Variants in ACSM2B observed in about 807,000 individuals in gnomAD.
ACSM2B encodes the protein acyl-CoA synthetase medium chain family member 2B, also known as acyl-coenzyme A synthetase ACSM2B, mitochondrial.
Under a neutral mutation model 78.6 loss-of-function variants are expected in ACSM2B, and 58 were observed. The observed-to-expected ratio is 0.74, with a 90% CI of 0.60 to 0.92. ACSM2B has a LOEUF of 0.92. ACSM2B is among the 40% of genes least tolerant of loss of function. ACSM2B has a pLI of 0.00. For missense variants in ACSM2B, 688 were observed against 711.2 expected, an observed-to-expected ratio of 0.97 and a Z score of 0.37; for synonymous variants, 257 against 256.8, an observed-to-expected ratio of 1.00 and a Z score of -0.01.
chr16:20,540,242 T>C (rs2014949712), intron 13 of ACSM2B, among the ~76,000 whole-genome samples: 1 of 137,178 alleles, frequency 7.3e-6, no homozygotes, highest in African/African-American at 2.5e-5. Flanking sequence ...TTTTTGTTTG[T>C]TTGTTTGGTT....
At chr16:20,551,409 T>A (rs5012619) in intron 6 of ACSM2B, among the ~76,000 whole-genome samples, 49,483 of 151,744 alleles carry the variant, frequency 0.33, 9,524 homozygotes, top group East Asian at 0.86. Context: ...AGTGATAGCA[T>A]GAGTGTCTTT....
At chr16:20,571,928 T>C (rs1340484108) in intron 1 of ACSM2B, among the ~76,000 whole-genome samples, 1 of 151,804 alleles carries the variant, frequency 6.6e-6, no homozygotes, top group Non-Finnish European at 1.5e-5. Flanking sequence ...ATGGAATGTC[T>C]TTTTCCACCC....
Position 20,565,954 on chromosome 16 carries a change from G to A in ACSM2B, c.-8-1101C>T, listed in dbSNP as rs374269340. Among the ~76,000 whole-genome samples the A allele has an allele frequency of 1.2e-3, 175 of 151,394 alleles. 5 individuals are homozygous for A. The South Asian group carries it at 0.035, about 31-fold the overall frequency. ...ATTCCTGAATTACTTCACTTTGAGC[G>A]ATGGTCTCCAATCCCATCCAGGTTG... On this transcript the variant is annotated intron_variant, in intron 1 of 13. Transcript: ENST00000329697.
chr16:20,555,486 C>T lies in ACSM2B; in HGVS notation c.389-10G>A, dbSNP rs372297379. ...GGCATAAAGATGAGACCTAAAGAAG[C>T]CAACAATTTAGAGAATTGGAAAGGA... On this transcript the variant is annotated splice_polypyrimidine_tract_variant and intron_variant, in intron 3 of 13. Coordinates refer to ENST00000329697, the MANE Select transcript of ACSM2B (RefSeq NM_001105069.2). 1 of 1,610,980 alleles carries T rather than the reference C, an allele frequency of 6.2e-7. No homozygotes were observed. Among genetic ancestry groups the T allele is most frequent in the Admixed American group, 1.7e-5 (1 of 59,790 alleles).
intron 13 of ACSM2B, among the ~76,000 whole-genome samples, chr16:20,538,700 A>T (rs781005357): frequency 6.6e-6 from 1 of 152,076 alleles, no homozygotes; most frequent in Admixed American, 6.6e-5. Context: ...GGACTCCTTG[A>T]CTCAGCATTC....
Position 20,537,146 on chromosome 16 carries a change from T to G in ACSM2B, c.*112A>C. On this transcript the variant is annotated 3_prime_UTR_variant, in exon 14 of 14. Coordinates refer to ENST00000329697, the MANE Select transcript of ACSM2B (RefSeq NM_001105069.2). ...CTAATAACCAGGGCAAGACAAAACT[T>G]ACATTCATGTTCTTTCATAAAGAAT... The G allele has an allele frequency of 7.6e-7, 1 of 1,323,632 alleles. No homozygotes were observed. Among genetic ancestry groups the G allele is most frequent in the South Asian group, 1.4e-5 (1 of 73,970 alleles). 82.0% of individuals were successfully genotyped at this position (1,323,632 alleles called of 1,614,324 possible).
chr16:20,546,276 A>G (rs1375607979), intron 9 of ACSM2B, 118 bp downstream of exon 9: 5 of 1,426,942 alleles, frequency 3.5e-6, no homozygotes, highest in East Asian at 2.5e-5. Flanking sequence ...CTTTTTTCTG[A>G]TATTATCTTA....
At chr16:20,558,902 A>C (rs146681929) in intron 3 of ACSM2B, among the ~76,000 whole-genome samples, 39 of 152,346 alleles carry the variant, frequency 2.6e-4, no homozygotes, top group African/African-American at 9.4e-4. Context: ...ACAGTCTACC[A>C]AATTTATTTG....
rs2015903194 is a variant in ACSM2B, at chr16:20,566,767, AGATATATAGATACAAT to A, written c.-8-1930_-8-1915del. On this transcript the variant is annotated intron_variant, in intron 1 of 13. Coordinates refer to ENST00000329697, the MANE Select transcript of ACSM2B (RefSeq NM_001105069.2). ...TATATATACTATATATAGTATATATAGATATATAGATACAATATTTTGAAATATATAATATATAATT... is the reference window on the plus strand; with the variant it reads ...TATATATACTATATATAGTATATATAATTTTGAAATATATAATATATAATT... Among the ~76,000 whole-genome samples the A allele has an allele frequency of 1.3e-4, 6 of 47,172 alleles. 1 individual carries two copies. In the South Asian group the frequency reaches 2.5e-3, roughly 20 times the overall value. 30.9% of individuals were successfully genotyped at this position (47,172 alleles called of 152,430 possible).
Position 20,552,238 on chromosome 16 carries a change from A to G in ACSM2B, c.800T>C (p.Leu267Pro). The G allele has an allele frequency of 1.2e-6, 2 of 1,613,944 alleles. No individual in the cohort carries two copies. Among genetic ancestry groups the G allele is most frequent in the Non-Finnish European group, 8.5e-7 (1 of 1,179,832 alleles). Residue 267 changes from leucine to proline, a missense_variant, in exon 6 of 14, where the codon CTG (leucine) becomes CCG (proline). Physicochemically the swap from Leu to Pro is moderately conservative, Grantham distance 98. Transcript: ENST00000329697. ...TTCCAAAAGTGAGCCCAAGATGTTC[A>G]GTATCCAACCTGTGTCTGATATGGT... ...MWTISDTGWI[L>P]NILGSLLESW...
At position 20,537,298 on chromosome 16, in the gene ACSM2B, T is replaced by C. The variant is rs1317232711; in HGVS notation, c.1694A>G (p.Asp565Gly). 6.2e-7 allele frequency: 1 copy of C among 1,614,070 alleles called. No individual in the cohort carries two copies. Among genetic ancestry groups the C allele is most frequent in the South Asian group, 1.1e-5 (1 of 91,084 alleles). Residue 565 changes from aspartate to glycine, a missense_variant, in exon 14 of 14, where the codon GAC (aspartate) becomes GGC (glycine). By Grantham distance (94) the Asp-to-Gly change is moderately conservative. Transcript: ENST00000329697. ...TTTTCCGGACATCTTCCACTCCTTG[T>C]CTCGAAGTTTGGTTCGTTGAATTTT... ...TGKIQRTKLR[D>G]KEWKMSGKAR...
intron 2 of ACSM2B, among the ~76,000 whole-genome samples, chr16:20,562,066 A>G (rs1213518285): frequency 6.6e-6 from 1 of 151,998 alleles, no homozygotes; most frequent in African/African-American, 2.4e-5. Flanking sequence ...ACTACTGTGA[A>G]TAAAGTTACT....
chr16:20,566,640 A>ACTATATATAG (rs1555459346), intron 1 of ACSM2B, among the ~76,000 whole-genome samples: 1 of 21,394 alleles, frequency 4.7e-5, no homozygotes, highest in African/African-American at 2.9e-4. Flanking sequence ...TATAGTATAT[A>ACTATATATAG]TATACTATAC....
chr16:20,552,216 C>T lies in ACSM2B; in HGVS notation c.822G>A (p.Leu274=), dbSNP rs1225562265. 6.2e-7 allele frequency: 1 copy of T among 1,613,736 alleles called. No homozygotes were observed. Among genetic ancestry groups the T allele is most frequent in the South Asian group, 1.1e-5 (1 of 91,064 alleles). ...TGCATGCTCCTAATGTCCAAGATTCCAAAAGTGAGCCCAAGATGTTCAGTA... is the reference window on the plus strand; with the variant it reads ...TGCATGCTCCTAATGTCCAAGATTCTAAAAGTGAGCCCAAGATGTTCAGTA... ...GWILNILGSL[L]ESWTLGACTF... is the part of the protein sequence containing the mutation. Residue 274 remains leucine (L), a synonymous_variant, in exon 6 of 14, where the codon TTG becomes TTA. Coordinates refer to ENST00000329697, the MANE Select transcript of ACSM2B (RefSeq NM_001105069.2).
rs749180008 is a variant in ACSM2B at position 20,564,743 on chromosome 16, A to G, written c.103T>C (p.Trp35Arg). 3 of 1,613,504 alleles carry G rather than the reference A, an allele frequency of 1.9e-6. No homozygotes were observed. Among genetic ancestry groups the G allele is most frequent in the Non-Finnish European group, 2.5e-6 (3 of 1,179,738 alleles). The change falls in exon 2 of 14, where the codon TGG becomes CGG. Residue 35 changes from tryptophan to arginine, a missense_variant. Trp to Arg is a moderately radical substitution (Grantham distance 101, BLOSUM62 -3). Coordinates refer to ENST00000329697, the MANE Select transcript of ACSM2B (RefSeq NM_001105069.2). ...TTGGCCGGCACTTCCTGGTGGCCCC[A>G]CTGCAGGGACACCAGTTGCCTACTA... ...INSRQLVSLQWGHQEVPAKFN... is the reference protein window; with the variant it reads ...INSRQLVSLQRGHQEVPAKFN...
intron 10 of ACSM2B, among the ~76,000 whole-genome samples, chr16:20,544,103 A>T (rs1386355810): frequency 6.6e-6 from 1 of 152,180 alleles, no homozygotes; most frequent in Non-Finnish European, 1.5e-5. Flanking sequence ...TTTTTATCAA[A>T]TGGGGAGAAG....
chr16:20,552,079 A>G, intron 6 of ACSM2B, 65 bp downstream of exon 6: 3 of 1,525,830 alleles, frequency 2.0e-6, no homozygotes, highest in Non-Finnish European at 2.6e-6. Context: ...CAAACTACAA[A>G]AAATTGAAGT....
At chr16:20,555,967 T>C (rs994213831) in intron 3 of ACSM2B, among the ~76,000 whole-genome samples, 1 of 152,144 alleles carries the variant, frequency 6.6e-6, no homozygotes, top group Non-Finnish European at 1.5e-5. Flanking sequence ...TACATATCTA[T>C]GTACACACAA....
chr16:20,551,079 C>T (rs1356143893), intron 6 of ACSM2B, among the ~76,000 whole-genome samples: 1 of 151,930 alleles, frequency 6.6e-6, no homozygotes. Context: ...GTAAAAGAAG[C>T]CAAATGAAAA....
Sources: allele counts gnomAD v4.1 joint callset (sites outside exome capture counted in the v4.1 genomes callset), GRCh38; gene constraint gnomAD v4.1.1; transcripts MANE v1.5; gene names NCBI Gene and HGNC (gene_info 2026-07-23, HGNC 2026-07-21).